NTRK3: variants seen among roughly 807,000 people sequenced by gnomAD.
The protein encoded by NTRK3 is NT-3 growth factor receptor.
Under a neutral mutation model 91.7 loss-of-function variants are expected in NTRK3, and 24 were observed. The observed-to-expected ratio is 0.26, with a 90% CI of 0.19 to 0.37. The LOEUF (loss-of-function observed/expected upper bound fraction) is 0.37. Among genes scored for constraint, NTRK3 ranks in the 10% least tolerant of loss-of-function variants. The pLI, the probability that NTRK3 is intolerant of heterozygous loss-of-function variation, is 1.00. For synonymous variants in NTRK3, 483 were observed against 404.0 expected, an observed-to-expected ratio of 1.20 and a Z score of -2.34; for missense variants, 880 against 1,068.9, an observed-to-expected ratio of 0.82 and a Z score of 2.46.
At chr15:88,134,033 G>C (rs531146774) in intron 10 of NTRK3, among the ~76,000 whole-genome samples, 13 of 152,344 alleles carry the variant, frequency 8.5e-5, no homozygotes, top group African/African-American at 3.1e-4. Flanking sequence ...CATAAAAACA[G>C]ATGCTACATA....
At chr15:87,890,803 G>A (rs1010790528) in intron 17 of NTRK3, among the ~76,000 whole-genome samples, 2 of 152,098 alleles carry the variant, frequency 1.3e-5, no homozygotes, top group African/African-American at 4.8e-5. Context: ...CTTTGAATCA[G>A]CCATATCTCC....
exon 2 of NTRK3, chr15:88,256,359 C>T: frequency 1.6e-6 from 1 of 636,512 alleles, no homozygotes; most frequent in Admixed American, 2.5e-5. Flanking sequence ...CCGCCGCCGC[C>T]GCCGCCGGGT....
rs16941254 is a variant in NTRK3 at position 88,099,137 on chromosome 15, A to T, written c.1396+27134T>A. ...GGTTTTTCCAGAATAGAGGCTGAAG[A>T]TCATCCAGGAGGCTGTGAGAGGCTC... is the stretch of plus-strand genomic sequence containing the variant. On this transcript the variant is annotated intron_variant, in intron 13 of 18. Transcript: ENST00000394480. The T allele has an allele frequency of 4.0e-3, 923 of 230,820 alleles. 22 individuals carry two copies. In the East Asian group the frequency reaches 0.053, roughly 13 times the overall value. The allele number at this position is 230,820 out of a possible 1,614,324, so 14.3% of individuals were successfully genotyped here.
At chr15:88,078,443 G>A (rs538199547) in intron 13 of NTRK3, among the ~76,000 whole-genome samples, 1 of 152,190 alleles carries the variant, frequency 6.6e-6, no homozygotes, top group Non-Finnish European at 1.5e-5. Context: ...GAAGTCAGGA[G>A]TTCAAAGACC....
intron 17 of NTRK3, among the ~76,000 whole-genome samples, chr15:87,915,140 A>T (rs1441104267): frequency 6.6e-6 from 1 of 152,122 alleles, no homozygotes; most frequent in African/African-American, 2.4e-5. Context: ...AACCACCAGC[A>T]CTCAAACCAA....
At chr15:88,016,819 T>C (rs924145745) in intron 14 of NTRK3, among the ~76,000 whole-genome samples, 10 of 152,150 alleles carry the variant, frequency 6.6e-5, no homozygotes, top group Non-Finnish European at 7.3e-5. Flanking sequence ...TTTTCTTTTC[T>C]TCCAGGTTTT....
intron 14 of NTRK3, among the ~76,000 whole-genome samples, chr15:88,029,570 A>T (rs531249199): frequency 6.6e-6 from 1 of 152,308 alleles, no homozygotes; most frequent in East Asian, 1.9e-4. Context: ...TGTTCATGCA[A>T]TTCCACCCCA....
intron 14 of NTRK3, among the ~76,000 whole-genome samples, chr15:87,994,047 G>C (rs1375615766): frequency 6.6e-6 from 1 of 152,156 alleles, no homozygotes; most frequent in Non-Finnish European, 1.5e-5. Flanking sequence ...TATTTCACTG[G>C]TGAGTGGCAA....
intron 13 of NTRK3, among the ~76,000 whole-genome samples, chr15:88,037,638 C>G (rs1329999608): frequency 2.6e-5 from 4 of 152,122 alleles, no homozygotes; most frequent in Admixed American, 2.6e-4. Flanking sequence ...TGAGGACAAA[C>G]AGGATTAAGC....
intron 13 of NTRK3, among the ~76,000 whole-genome samples, chr15:88,116,681 T>C (rs759144417): frequency 6.6e-6 from 1 of 152,178 alleles, no homozygotes; most frequent in African/African-American, 2.4e-5. Flanking sequence ...ACTCGCAGCC[T>C]TCCCCAGACC....
intron 5 of NTRK3, among the ~76,000 whole-genome samples, chr15:88,157,382 T>C (rs1412443454): frequency 6.6e-6 from 1 of 151,928 alleles, no homozygotes; most frequent in East Asian, 1.9e-4. Context: ...GACCCCTCCC[T>C]GCCTCTCAAG....
At chr15:87,941,375 AT>A (rs2069829037) in intron 14 of NTRK3, among the ~76,000 whole-genome samples, 1 of 152,202 alleles carries the variant, frequency 6.6e-6, no homozygotes. Flanking sequence ...TCTTGTGAAG[AT>A]TAAATGAGAT....
chr15:87,945,513 G>A (rs1378120951), intron 14 of NTRK3, among the ~76,000 whole-genome samples: 1 of 152,178 alleles, frequency 6.6e-6, no homozygotes, highest in East Asian at 1.9e-4. Flanking sequence ...GGTCACCTCT[G>A]GACAGAAAAT....
intron 14 of NTRK3, 128 bp downstream of exon 14, chr15:88,032,729 G>C (rs2078663716): frequency 6.8e-6 from 7 of 1,023,756 alleles, no homozygotes; most frequent in Middle Eastern, 2.6e-4. Flanking sequence ...AACAGGGAGG[G>C]TCTCTTAGAA....
chr15:88,149,988 G>A (rs1408458473), intron 5 of NTRK3, among the ~76,000 whole-genome samples: 2 of 152,184 alleles, frequency 1.3e-5, no homozygotes, highest in Non-Finnish European at 2.9e-5. Context: ...TAATCCCTGC[G>A]GCACTTTGGG....
intron 6 of NTRK3, among the ~76,000 whole-genome samples, chr15:88,145,086 C>T (rs2042764486): frequency 6.6e-6 from 1 of 152,182 alleles, no homozygotes; most frequent in African/African-American, 2.4e-5. Flanking sequence ...ACGCCCCAGC[C>T]CACAGGCTCC....
At chr15:88,036,749 G>A (rs1291468084) in intron 13 of NTRK3, among the ~76,000 whole-genome samples, 1 of 152,122 alleles carries the variant, frequency 6.6e-6, no homozygotes, top group East Asian at 1.9e-4. Context: ...TAGAATTGTA[G>A]ACCACGGAAT....
Position 87,957,758 on chromosome 15 carries a change from T to C in NTRK3, c.1586-17005A>G, listed in dbSNP as rs149038390. Among the ~76,000 whole-genome samples, 1,229 of 152,354 alleles carry C rather than the reference T, an allele frequency of 8.1e-3. 4 individuals are homozygous for C. Among genetic ancestry groups the C allele is most frequent in the Non-Finnish European group, 0.012 (819 of 68,032 alleles). On this transcript the variant is annotated intron_variant, in intron 14 of 18. Transcript: ENST00000394480. ...CTTCTCAGAGACTATGAAAGAGGAC[T>C]GAATCATTTTAAGCTTCTACCAGTT...
At chr15:87,944,015 A>G (rs570831688) in intron 14 of NTRK3, among the ~76,000 whole-genome samples, 1 of 152,334 alleles carries the variant, frequency 6.6e-6, no homozygotes, top group African/African-American at 2.4e-5. Flanking sequence ...TCAGAAGAAA[A>G]TAGCCTTGGC....
Sources: allele counts gnomAD v4.1 joint callset (sites outside exome capture counted in the v4.1 genomes callset), GRCh38; gene constraint gnomAD v4.1.1; transcripts MANE v1.5; gene names NCBI Gene and HGNC (gene_info 2026-07-23, HGNC 2026-07-21).